Variants in DLGAP4 observed in about 807,000 individuals in gnomAD.
DLGAP4 encodes the protein disks large-associated protein 4.
A neutral mutation model predicts 86.9 loss-of-function variants in DLGAP4; 18 were observed. The ratio of observed to expected loss-of-function variants is 0.21; its 90% confidence interval spans 0.14 to 0.31. The LOEUF is 0.31. Among genes scored for constraint, DLGAP4 ranks in the 10% least tolerant of loss-of-function variants. The probability of loss-of-function intolerance (pLI) is 1.00; values close to 1 mark genes in which losing one functional copy is unlikely to be tolerated. For synonymous variants in DLGAP4, 548 were observed against 574.3 expected, an observed-to-expected ratio of 0.95 and a Z score of 0.65; for missense variants, 1,085 against 1,362.6, an observed-to-expected ratio of 0.80 and a Z score of 3.21.
intron 1 of DLGAP4, among the ~76,000 whole-genome samples, chr20:36,349,741 C>T (rs1030700856): frequency 2.0e-5 from 3 of 152,112 alleles, no homozygotes; most frequent in African/African-American, 7.2e-5. Flanking sequence ...ATGATTTGCC[C>T]GGGGCAGTTC....
At chr20:36,475,904 G>T (rs1383872529) in intron 7 of DLGAP4, among the ~76,000 whole-genome samples, 1 of 152,056 alleles carries the variant, frequency 6.6e-6, no homozygotes, top group Non-Finnish European at 1.5e-5. Context: ...CTGTCGCCCA[G>T]GCTGGAGTGC....
chr20:36,331,614 A>T (rs1199823783), intron 1 of DLGAP4, among the ~76,000 whole-genome samples: 1 of 152,200 alleles, frequency 6.6e-6, no homozygotes, highest in African/African-American at 2.4e-5. Flanking sequence ...CTAAAGATGG[A>T]TGCAGAGATG....
At chr20:36,374,080 G>T (rs1047001244) in intron 2 of DLGAP4, among the ~76,000 whole-genome samples, 1 of 150,438 alleles carries the variant, frequency 6.6e-6, no homozygotes, top group Non-Finnish European at 1.5e-5. Context: ...CTTGAACCCA[G>T]ATCTTACGGT....
chr20:36,351,815 CT>C (rs1213738717), intron 1 of DLGAP4, among the ~76,000 whole-genome samples: 1 of 152,126 alleles, frequency 6.6e-6, no homozygotes, highest in Admixed American at 6.6e-5. Context: ...GCCCCAGACA[CT>C]GTGCTGGGGG....
chr20:36,435,089 T>G (rs1327931541), intron 3 of DLGAP4, among the ~76,000 whole-genome samples: 1 of 151,090 alleles, frequency 6.6e-6, no homozygotes, highest in African/African-American at 2.5e-5. Context: ...GGGGGGGGGT[T>G]GCTGTGACAA....
intron 1 of DLGAP4, among the ~76,000 whole-genome samples, chr20:36,309,082 C>T (rs569173972): frequency 7.9e-5 from 12 of 152,112 alleles, no homozygotes; most frequent in Admixed American, 2.0e-4. Context: ...TCAGGGTCTT[C>T]ACACATGCTG....
intron 7 of DLGAP4, among the ~76,000 whole-genome samples, chr20:36,466,778 C>T (rs1770112729): frequency 6.6e-6 from 1 of 152,240 alleles, no homozygotes; most frequent in African/African-American, 2.4e-5. Flanking sequence ...ACTAGAGCCA[C>T]ATCTCTGCCT....
At chr20:36,399,430 A>T (rs558471971) in intron 2 of DLGAP4, among the ~76,000 whole-genome samples, 2 of 152,088 alleles carry the variant, frequency 1.3e-5, no homozygotes, top group Non-Finnish European at 2.9e-5. Context: ...AAAAAATAAG[A>T]TCATGCCTGC....
chr20:36,343,519 A>C (rs1330832498), intron 1 of DLGAP4, among the ~76,000 whole-genome samples: 1 of 152,092 alleles, frequency 6.6e-6, no homozygotes, highest in Non-Finnish European at 1.5e-5. Flanking sequence ...TGGGTTTCTT[A>C]GTTCCACCGC....
At chr20:36,369,349 T>C (rs543895269) in intron 2 of DLGAP4, among the ~76,000 whole-genome samples, 1 of 152,172 alleles carries the variant, frequency 6.6e-6, no homozygotes, top group South Asian at 2.1e-4. Flanking sequence ...TCCCAGCACT[T>C]TGGGAGGCCG....
intron 10 of DLGAP4, among the ~76,000 whole-genome samples, chr20:36,512,103 T>C (rs1166773123): frequency 4.9e-5 from 7 of 143,634 alleles, no homozygotes; most frequent in East Asian, 2.1e-4. Context: ...CAGGCTAGAG[T>C]GCAGTGGCGT....
At position 36,489,791 on chromosome 20, in the gene DLGAP4, G is replaced by C. The variant is rs374109830; in HGVS notation, c.1649-6914G>C. ...CAGAAGGACTTGGGAGGATGCTGCC[G>C]TGAGAGGGGCTGCCAGTCCCTCTTG... On this transcript the variant is annotated intron_variant, in intron 7 of 12. Coordinates refer to ENST00000339266, the MANE Select transcript of DLGAP4 (RefSeq NM_001365621.2). Among the ~76,000 whole-genome samples, 43 of 152,064 alleles carry C rather than the reference G, an allele frequency of 2.8e-4. 1 individual carries two copies. Among genetic ancestry groups the C allele is most frequent in the Middle Eastern group, 3.4e-3 (1 of 294 alleles).
At chr20:36,323,175 C>CAAAAAA (rs1164348704) in intron 1 of DLGAP4, among the ~76,000 whole-genome samples, 13 of 35,378 alleles carry the variant, frequency 3.7e-4, no homozygotes, top group Non-Finnish European at 4.4e-4. Context: ...GACCCTATCT[C>CAAAAAA]AAAAAAAAAA....
chr20:36,378,711 A>G (rs1352863645), intron 2 of DLGAP4, among the ~76,000 whole-genome samples: 1 of 151,872 alleles, frequency 6.6e-6, no homozygotes, highest in East Asian at 1.9e-4. Context: ...TTGATGGGCG[A>G]AAGGGAAGAG....
chr20:36,346,585 G>T (rs1163805451), intron 1 of DLGAP4, among the ~76,000 whole-genome samples: 1 of 152,218 alleles, frequency 6.6e-6, no homozygotes, highest in Non-Finnish European at 1.5e-5. Flanking sequence ...GGATGAGCTG[G>T]TAGATGATAT....
At chr20:36,385,619 G>T (rs2031567874) in intron 2 of DLGAP4, among the ~76,000 whole-genome samples, 2 of 152,212 alleles carry the variant, frequency 1.3e-5, no homozygotes, top group African/African-American at 4.8e-5. Context: ...TCAAGCCCCA[G>T]AGCCAAGCAT....
chr20:36,373,001 T>TC (rs2031004551), intron 2 of DLGAP4, among the ~76,000 whole-genome samples: 1 of 152,204 alleles, frequency 6.6e-6, no homozygotes, highest in Non-Finnish European at 1.5e-5. Context: ...GATTTTTTTT[T>TC]CACTTTTGTT....
At chr20:36,340,324 G>A (rs2065365793) in intron 1 of DLGAP4, among the ~76,000 whole-genome samples, 1 of 152,122 alleles carries the variant, frequency 6.6e-6, no homozygotes, top group African/African-American at 2.4e-5. Flanking sequence ...GGATGCCCAT[G>A]CCGCACCCAC....
At chr20:36,475,199 A>G (rs1163217467) in intron 7 of DLGAP4, among the ~76,000 whole-genome samples, 2 of 151,990 alleles carry the variant, frequency 1.3e-5, no homozygotes, top group Non-Finnish European at 2.9e-5. Context: ...ACTGCAAGTG[A>G]ATATGTTTAT....
Sources: allele counts gnomAD v4.1 joint callset (sites outside exome capture counted in the v4.1 genomes callset), GRCh38; gene constraint gnomAD v4.1.1; transcripts MANE v1.5; gene names NCBI Gene and HGNC (gene_info 2026-07-23, HGNC 2026-07-21).